The following RPS6KB1 variants were observed in gnomAD, a reference collection of about 807,000 sequenced individuals.
RPS6KB1 encodes ribosomal protein S6 kinase beta-1.
Under a neutral mutation model 70.2 loss-of-function variants are expected in RPS6KB1, and 12 were observed. The ratio of observed to expected loss-of-function variants is 0.17; its 90% confidence interval spans 0.11 to 0.28. The LOEUF (loss-of-function observed/expected upper bound fraction) is 0.28. Ranked by LOEUF, RPS6KB1 falls within the 10% of genes least tolerant of loss-of-function variation. RPS6KB1 has a pLI of 1.00. For missense variants in RPS6KB1, 270 were observed against 646.6 expected, an observed-to-expected ratio of 0.42 and a Z score of 6.32; for synonymous variants, 175 against 211.2, an observed-to-expected ratio of 0.83 and a Z score of 1.49.
Position 59,917,381 on chromosome 17 carries a change from G to T in RPS6KB1, c.381+2678G>T, listed in dbSNP as rs1479307154. On this transcript the variant is annotated intron_variant, in intron 4 of 14. Coordinates refer to ENST00000225577, the MANE Select transcript of RPS6KB1 (RefSeq NM_003161.4). ...TCCACCCGCCTCGGCCACCCAAAGT[G>T]CTGGGATTGGATTACAGGTATGGCC... Among the ~76,000 whole-genome samples the T allele has an allele frequency of 2.0e-5, 3 of 151,996 alleles. No individual in the cohort carries two copies. In the East Asian group the frequency reaches 5.8e-4, roughly 29 times the overall value.
At chr17:59,931,386 A>G (rs1447912147) in intron 6 of RPS6KB1, 9 of 454,324 alleles carry the variant, frequency 2.0e-5, no homozygotes, top group African/African-American at 1.2e-4. Context: ...AATTTTAGCA[A>G]TATATTCTAA....
intron 1 of RPS6KB1, among the ~76,000 whole-genome samples, chr17:59,908,861 G>A (rs1344283154): frequency 1.5e-5 from 2 of 135,900 alleles, no homozygotes; most frequent in Admixed American, 7.4e-5. Context: ...CTCGTGATCC[G>A]CCCGCCTCGG....
intron 1 of RPS6KB1, among the ~76,000 whole-genome samples, chr17:59,900,298 T>A (rs2041856347): frequency 6.6e-6 from 1 of 152,016 alleles, no homozygotes; most frequent in Non-Finnish European, 1.5e-5. Flanking sequence ...ATATTCACTT[T>A]AATATCTTAA....
chr17:59,900,805 A>G lies in RPS6KB1; in HGVS notation c.141+7480A>G, dbSNP rs575475405. ...TTTTTTGTTGTTTTTTGTTTATACAATTCAGTGACTTTGAGTATATTTACA... is the reference window on the plus strand; with the variant it reads ...TTTTTTGTTGTTTTTTGTTTATACAGTTCAGTGACTTTGAGTATATTTACA... On this transcript the variant is annotated intron_variant, in intron 1 of 14. Coordinates refer to ENST00000225577, the MANE Select transcript of RPS6KB1 (RefSeq NM_003161.4). Among the ~76,000 whole-genome samples the G allele has an allele frequency of 2.1e-4, 32 of 152,248 alleles. No individual in the cohort carries two copies. In the South Asian group the frequency reaches 5.6e-3, roughly 27 times the overall value.
At chr17:59,909,513 G>A (rs963872702) in intron 1 of RPS6KB1, among the ~76,000 whole-genome samples, 2 of 150,546 alleles carry the variant, frequency 1.3e-5, no homozygotes, top group Admixed American at 6.6e-5. Flanking sequence ...TGATCTGCCC[G>A]CATCGGCCTC....
At chr17:59,901,311 G>A (rs1190172224) in intron 1 of RPS6KB1, among the ~76,000 whole-genome samples, 5 of 151,334 alleles carry the variant, frequency 3.3e-5, no homozygotes, top group African/African-American at 9.7e-5. Context: ...CACCACGCCC[G>A]GCTAATGTTT....
intron 12 of RPS6KB1, among the ~76,000 whole-genome samples, chr17:59,937,315 T>C (rs1046859448): frequency 1.3e-5 from 2 of 152,220 alleles, no homozygotes; most frequent in African/African-American, 4.8e-5. Context: ...AATTTAACCA[T>C]TTTAAATATG....
rs368412425 is a variant in RPS6KB1 at position 59,921,442 on chromosome 17, A to G, written c.382-4993A>G. ...TTCTAAATCCCCAAGTAAGATGACT[A>G]TAGGCTCCCTTTGAGTTCCTTCCTT... On this transcript the variant is annotated intron_variant, in intron 4 of 14. Transcript: ENST00000225577. Among the ~76,000 whole-genome samples the G allele has an allele frequency of 4.4e-4, 67 of 152,330 alleles. 1 individual carries two copies. The highest frequency in any genetic ancestry group is 1.6e-3 in the African/African-American group (65 of 41,592).
chr17:59,935,872 T>C (rs1039147931), intron 10 of RPS6KB1, among the ~76,000 whole-genome samples: 1 of 151,988 alleles, frequency 6.6e-6, no homozygotes, highest in Non-Finnish European at 1.5e-5. Flanking sequence ...TGCAATGGCA[T>C]GATCTTGGCT....
chr17:59,897,964 CAAA>C (rs1469872753), intron 1 of RPS6KB1, among the ~76,000 whole-genome samples: 5 of 76,242 alleles, frequency 6.6e-5, no homozygotes, highest in Admixed American at 1.5e-4. Flanking sequence ...GATTCCGTCT[CAAA>C]AAAAAAAAAA....
chr17:59,923,580 G>A (rs797001198), intron 4 of RPS6KB1, among the ~76,000 whole-genome samples: 3 of 151,116 alleles, frequency 2.0e-5, no homozygotes, highest in African/African-American at 4.9e-5. Flanking sequence ...GTGTGATCTC[G>A]GCTCACTGCA....
intron 4 of RPS6KB1, among the ~76,000 whole-genome samples, chr17:59,922,038 G>A (rs1598748217): frequency 7.0e-6 from 1 of 143,326 alleles, no homozygotes. Context: ...AAGAATAAGG[G>A]CATTTTTTTT....
At chr17:59,919,445 G>A (rs180536) in intron 4 of RPS6KB1, among the ~76,000 whole-genome samples, 50,592 of 151,906 alleles carry the variant, frequency 0.33, 8,620 homozygotes, top group East Asian at 0.44. Context: ...ACAAGAGCGA[G>A]ACTCCATCTC....
At chr17:59,945,383 A>G in intron 13 of RPS6KB1, 23 bp from the exon 14 acceptor site, 1 of 1,269,264 alleles carries the variant, frequency 7.9e-7, no homozygotes, top group Non-Finnish European at 1.2e-6. Context: ...GCCATTCTGT[A>G]GTCCACTGTT....
intron 1 of RPS6KB1, among the ~76,000 whole-genome samples, chr17:59,894,286 A>G (rs572463308): frequency 6.6e-6 from 1 of 152,204 alleles, no homozygotes; most frequent in South Asian, 2.1e-4. Flanking sequence ...CCCTAGATAA[A>G]TTTATCAAAA....
At chr17:59,898,747 G>A (rs968782238) in intron 1 of RPS6KB1, among the ~76,000 whole-genome samples, 2 of 150,718 alleles carry the variant, frequency 1.3e-5, no homozygotes, top group Non-Finnish European at 2.9e-5. Context: ...ATGAGCCACC[G>A]TGCCCGGCCA....
chr17:59,899,884 G>T (rs555242720), intron 1 of RPS6KB1, among the ~76,000 whole-genome samples: 16 of 152,102 alleles, frequency 1.1e-4, no homozygotes, highest in Non-Finnish European at 1.5e-4. Flanking sequence ...TCAGTTTTTG[G>T]CTGGGTATGA....
Position 59,893,880 on chromosome 17 carries a change from A to G in RPS6KB1, c.141+555A>G, listed in dbSNP as rs1379727934. 1 of 984,194 alleles carries G rather than the reference A, an allele frequency of 1.0e-6. No individual in the cohort carries two copies. The highest frequency in any genetic ancestry group is 1.2e-6 in the Non-Finnish European group (1 of 829,870). The allele number at this position is 984,194 out of a possible 1,614,324, so 61.0% of individuals were successfully genotyped here. On this transcript the variant is annotated intron_variant, in intron 1 of 14. Coordinates refer to ENST00000225577, the MANE Select transcript of RPS6KB1 (RefSeq NM_003161.4). This position sits in a 1 kb window ranked among gnomAD's most constrained non-coding sequence, Gnocchi z 4.1. ...TGCTGTTACAGCCACCAGGAGTTTT[A>G]TTTCGGGAGCAAGGGGGCTCTGCTG...
chr17:59,921,559 A>G (rs918405336), intron 4 of RPS6KB1, among the ~76,000 whole-genome samples: 4 of 152,252 alleles, frequency 2.6e-5, no homozygotes, highest in Admixed American at 2.6e-4. Context: ...TTAAGATGAA[A>G]TCAGAGTAGA....
Sources: gnomAD v4.1 joint callset for allele counts (sites outside exome capture counted in the v4.1 genomes callset) on GRCh38, gnomAD v4.1.1 for gene constraint, Gnocchi (gnomAD v3.1) non-coding constraint, MANE v1.5 for transcripts, NCBI Gene and HGNC (gene_info 2026-07-23, HGNC 2026-07-21) for gene names.